The following STK4 variants were observed in gnomAD, a reference collection of about 807,000 sequenced individuals.
STK4 encodes serine/threonine-protein kinase 4.
A neutral mutation model predicts 64.9 loss-of-function variants in STK4; 30 were observed. The ratio of observed to expected loss-of-function variants is 0.46; its 90% CI spans 0.35 to 0.63. The LOEUF (loss-of-function observed/expected upper bound fraction) is 0.63, where lower values mean the gene tolerates loss of function less well. Ranked by LOEUF, STK4 falls within the 20% of genes least tolerant of loss-of-function variation. The pLI is 0.01. For synonymous variants in STK4, 177 were observed against 199.0 expected (o/e 0.89, Z 0.93); for missense variants, 466 against 598.5 (o/e 0.78, Z 2.31).
intron 10 of STK4, among the ~76,000 whole-genome samples, chr20:45,036,961 A>G (rs1295050445): frequency 6.6e-6 from 1 of 152,160 alleles, no homozygotes; most frequent in African/African-American, 2.4e-5. Flanking sequence ...AATTAAAAGA[A>G]AACCCTGAGA....
chr20:45,016,774 G>A (rs1308380751), intron 9 of STK4, among the ~76,000 whole-genome samples: 1 of 152,184 alleles, frequency 6.6e-6, no homozygotes, highest in Non-Finnish European at 1.5e-5. Context: ...GCCAAGAACA[G>A]CCATGAGGGA....
At chr20:45,039,202 G>T (rs1421019306) in intron 10 of STK4, among the ~76,000 whole-genome samples, 1 of 152,014 alleles carries the variant, frequency 6.6e-6, no homozygotes, top group African/African-American at 2.4e-5. Flanking sequence ...TTAAAATTTT[G>T]AGTGGAACTT....
chr20:45,068,573 T>C (rs1453891338), intron 10 of STK4, among the ~76,000 whole-genome samples: 1 of 152,248 alleles, frequency 6.6e-6, no homozygotes, highest in Non-Finnish European at 1.5e-5. Flanking sequence ...GGCCATCTGA[T>C]GTATCTAATA....
chr20:44,986,540 T>C (rs1264255787), intron 4 of STK4, among the ~76,000 whole-genome samples: 32 of 152,144 alleles, frequency 2.1e-4, no homozygotes, highest in Admixed American at 2.1e-3. Flanking sequence ...TAGGAAGACA[T>C]TGGTAGGTTT....
chr20:45,012,409 A>G (rs981285860), intron 9 of STK4, among the ~76,000 whole-genome samples: 13 of 152,192 alleles, frequency 8.5e-5, no homozygotes, highest in African/African-American at 3.1e-4. Context: ...ATTGCATTGG[A>G]TACACAGATT....
At chr20:44,966,982 G>T (rs754553248) in intron 1 of STK4, among the ~76,000 whole-genome samples, 42 of 152,154 alleles carry the variant, frequency 2.8e-4, no homozygotes, top group Non-Finnish European at 5.4e-4. Context: ...TAAGGGGGTG[G>T]ATCGAGAACT....
intron 10 of STK4, among the ~76,000 whole-genome samples, chr20:45,040,628 C>A (rs990222342): frequency 6.9e-6 from 1 of 143,910 alleles, no homozygotes; most frequent in African/African-American, 2.5e-5. Flanking sequence ...AACCTGGAAA[C>A]AGACCTTTTT....
At chr20:45,066,401 A>G (rs1979579734) in intron 10 of STK4, among the ~76,000 whole-genome samples, 1 of 152,220 alleles carries the variant, frequency 6.6e-6, no homozygotes, top group African/African-American at 2.4e-5. Context: ...TTATTAAATC[A>G]TATTCTTTAT....
intron 7 of STK4, among the ~76,000 whole-genome samples, chr20:44,997,647 T>C (rs1001286381): frequency 6.6e-6 from 1 of 152,172 alleles, no homozygotes; most frequent in African/African-American, 2.4e-5. Flanking sequence ...CAGTGAGGCA[T>C]GATTGTGCTG....
Position 45,075,307 on chromosome 20 carries a change from T to C in STK4, c.*131T>C. The stretch of plus-strand genomic sequence containing the variant: ...CAGCACCTTTGTGAACTCAGGAATG[T>C]GCGCCAGTGGGAAGGGCTCTCTTGA... On this transcript the variant is annotated 3_prime_UTR_variant, in exon 11 of 11. Transcript: ENST00000372806. 1 of 1,234,084 alleles carries C rather than the reference T, an allele frequency of 8.1e-7. No homozygotes were observed. The highest frequency in any genetic ancestry group is 1.1e-6 in the Non-Finnish European group (1 of 899,534). The allele number at this position is 1,234,084 out of a possible 1,614,324, so 76.4% of individuals were successfully genotyped here.
intron 7 of STK4, among the ~76,000 whole-genome samples, chr20:44,999,585 T>C (rs1007715873): frequency 6.6e-6 from 1 of 152,180 alleles, no homozygotes; most frequent in Non-Finnish European, 1.5e-5. Flanking sequence ...ATACAAACAA[T>C]AAAAACATAT....
intron 3 of STK4, among the ~76,000 whole-genome samples, chr20:44,979,548 G>A (rs180776332): frequency 1.1e-3 from 162 of 152,256 alleles, no homozygotes; most frequent in East Asian, 5.4e-3. Context: ...CAAAGTTAGG[G>A]GCAATGCCAG....
intron 10 of STK4, among the ~76,000 whole-genome samples, chr20:45,047,712 G>A (rs764628223): frequency 6.6e-6 from 1 of 152,282 alleles, no homozygotes; most frequent in Middle Eastern, 3.4e-3. Context: ...TCCCTTGATC[G>A]AATTGGATAA....
intron 9 of STK4, among the ~76,000 whole-genome samples, chr20:45,016,089 C>T (rs984891368): frequency 6.6e-6 from 1 of 152,160 alleles, no homozygotes; most frequent in Non-Finnish European, 1.5e-5. Flanking sequence ...GGTCACTTGT[C>T]AGTTTCAGTA....
chr20:45,035,895 A>T (rs2068520053), intron 10 of STK4, among the ~76,000 whole-genome samples: 1 of 152,204 alleles, frequency 6.6e-6, no homozygotes, highest in South Asian at 2.1e-4. Flanking sequence ...ATTTATTGAA[A>T]ATGTACTATG....
intron 6 of STK4, 43 bp downstream of exon 6, chr20:44,995,300 A>T (rs1178329406): frequency 6.4e-7 from 1 of 1,569,664 alleles, no homozygotes; most frequent in Admixed American, 1.8e-5. Context: ...TTAGTTACTG[A>T]TCATCATTAA....
intron 2 of STK4, chr20:44,972,918 A>AC (rs1195019185): frequency 6.6e-6 from 1 of 151,758 alleles, no homozygotes; most frequent in Non-Finnish European, 1.5e-5. Flanking sequence ...AAAAAAAAAA[A>AC]AACTGCCTCC....
At chr20:45,060,482 A>G (rs1978897180) in intron 10 of STK4, among the ~76,000 whole-genome samples, 1 of 152,158 alleles carries the variant, frequency 6.6e-6, no homozygotes, top group South Asian at 2.1e-4. Flanking sequence ...GACTCTGACC[A>G]CAGGGATTCT....
intron 9 of STK4, among the ~76,000 whole-genome samples, chr20:45,011,236 C>CA (rs780356697): frequency 3.3e-5 from 5 of 152,200 alleles, no homozygotes. Context: ...GGGTCTGTGT[C>CA]AGTGTTAGGA....
Sources: gnomAD v4.1 joint callset for allele counts (sites outside exome capture counted in the v4.1 genomes callset) on GRCh38, gnomAD v4.1.1 for gene constraint, MANE v1.5 for transcripts, NCBI Gene and HGNC (gene_info 2026-07-23, HGNC 2026-07-21) for gene names.